WIPF1: variants seen among roughly 807,000 people sequenced by gnomAD.
The protein encoded by WIPF1 is WAS/WASL-interacting protein family member 1.
WIPF1 carries 13 observed loss-of-function variants against 35.4 expected under a neutral mutation model. That is an observed-to-expected ratio of 0.37 (90% CI 0.24 to 0.58). The LOEUF (loss-of-function observed/expected upper bound fraction) is 0.58, where lower values mean the gene tolerates loss of function less well. WIPF1 is among the 20% of genes least tolerant of loss of function. The pLI is 0.74. For synonymous variants in WIPF1, 267 were observed against 266.3 expected, an observed-to-expected ratio of 1.00 and a Z score of -0.02; for missense variants, 591 against 667.0, an observed-to-expected ratio of 0.89 and a Z score of 1.25.
chr2:174,648,773 G>A (rs1687472115), intron 1 of WIPF1, among the ~76,000 whole-genome samples: 1 of 152,030 alleles, frequency 6.6e-6, no homozygotes, highest in Non-Finnish European at 1.5e-5. Flanking sequence ...GCAAGAATTC[G>A]GCTTTTAAAA....
chr2:174,649,783 C>T (rs778531346), intron 1 of WIPF1, among the ~76,000 whole-genome samples: 13 of 152,152 alleles, frequency 8.5e-5, no homozygotes, highest in Non-Finnish European at 1.8e-4. Flanking sequence ...TAAAAGAATA[C>T]AAAACAATCT....
At chr2:174,604,033 T>C (rs1686083467) in intron 1 of WIPF1, among the ~76,000 whole-genome samples, 1 of 152,126 alleles carries the variant, frequency 6.6e-6, no homozygotes, top group African/African-American at 2.4e-5. Context: ...TAGACAATAA[T>C]AACACAAATA....
intron 1 of WIPF1, among the ~76,000 whole-genome samples, chr2:174,605,334 A>G (rs915542526): frequency 1.3e-5 from 2 of 152,094 alleles, no homozygotes; most frequent in Admixed American, 6.6e-5. Flanking sequence ...GCTACTCAGG[A>G]GGCTAAGGCA....
At position 174,587,167 on chromosome 2, in the gene WIPF1, G is replaced by A. The variant is rs144153447; in HGVS notation, c.-38-1556C>T. Among the ~76,000 whole-genome samples, 138 of 151,854 alleles carry A rather than the reference G, an allele frequency of 9.1e-4. 4 individuals are homozygous for A. The highest frequency in any genetic ancestry group is 2.9e-3 in the African/African-American group (122 of 41,374). On this transcript the variant is annotated intron_variant, in intron 1 of 7. Coordinates refer to ENST00000679041, the MANE Select transcript of WIPF1 (RefSeq NM_001375834.1). ...TAGGACTGCAGGCATATGCCACCAC[G>A]CCTGGCTAATTTATTTTTATCTTTT...
chr2:174,577,815 A>G, intron 3 of WIPF1, among the ~76,000 whole-genome samples: 1 of 151,648 alleles, frequency 6.6e-6, no homozygotes, highest in East Asian at 1.9e-4. Flanking sequence ...GCTAGTTGGG[A>G]GGCTGAGGTG....
chr2:174,582,715 T>C (rs1685281518), intron 2 of WIPF1, among the ~76,000 whole-genome samples: 1 of 152,142 alleles, frequency 6.6e-6, no homozygotes, highest in African/African-American at 2.4e-5. Flanking sequence ...GAGCTACTGC[T>C]CCTGGCCTAA....
At chr2:174,584,590 C>A (rs1400095050) in intron 2 of WIPF1, among the ~76,000 whole-genome samples, 1 of 152,120 alleles carries the variant, frequency 6.6e-6, no homozygotes, top group Non-Finnish European at 1.5e-5. Flanking sequence ...GAAGAGGGCA[C>A]ACTAACTTCC....
chr2:174,606,788 A>G (rs1686176982), intron 1 of WIPF1, among the ~76,000 whole-genome samples: 1 of 152,238 alleles, frequency 6.6e-6, no homozygotes, highest in African/African-American at 2.4e-5. Context: ...CCACATGTGA[A>G]GAGATACTGC....
rs1444916120 is a variant in WIPF1 at position 174,643,418 on chromosome 2, T to C, written c.-39+39356A>G. 1.3e-5 allele frequency among the ~76,000 whole-genome samples: 2 copies of C among 149,148 alleles called. 1 individual carries two copies. Among genetic ancestry groups the C allele is most frequent in the African/African-American group, 5.2e-5 (2 of 38,570 alleles). ...AAATTTTATTTATATGTATTTTGTG[T>C]GTGTGTGTGTGTGAGACAGAGTCTC... On this transcript the variant is annotated intron_variant, in intron 1 of 8. Coordinates refer to the WIPF1 transcript ENST00000272746.
At chr2:174,668,087 G>A (rs1376044096) in intron 1 of WIPF1, among the ~76,000 whole-genome samples, 4 of 152,128 alleles carry the variant, frequency 2.6e-5, no homozygotes, top group East Asian at 3.8e-4. Context: ...TTCCAGCTGC[G>A]TCTCTCACCT....
intron 1 of WIPF1, among the ~76,000 whole-genome samples, chr2:174,668,976 C>T (rs1687950834): frequency 6.6e-6 from 1 of 152,230 alleles, no homozygotes; most frequent in African/African-American, 2.4e-5. Flanking sequence ...CCCTCAAATT[C>T]CTCACCTGTA....
intron 1 of WIPF1, among the ~76,000 whole-genome samples, chr2:174,639,246 C>T (rs1687248735): frequency 6.6e-6 from 1 of 152,098 alleles, no homozygotes; most frequent in South Asian, 2.1e-4. Flanking sequence ...GAAATGTCTA[C>T]TAAGGTCTTT....
At chr2:174,610,784 C>G (rs1686318921) in intron 1 of WIPF1, among the ~76,000 whole-genome samples, 1 of 152,110 alleles carries the variant, frequency 6.6e-6, no homozygotes, top group African/African-American at 2.4e-5. Context: ...GTCAACAGCT[C>G]ACCCAGCTCC....
At chr2:174,591,874 A>G (rs2105858046) in intron 1 of WIPF1, among the ~76,000 whole-genome samples, 1 of 152,278 alleles carries the variant, frequency 6.6e-6, no homozygotes. Flanking sequence ...GCCTCGACTC[A>G]CTTGTTAAAC....
At chr2:174,618,767 C>T (rs1686589617) in intron 1 of WIPF1, among the ~76,000 whole-genome samples, 1 of 152,156 alleles carries the variant, frequency 6.6e-6, no homozygotes, top group Non-Finnish European at 1.5e-5. Context: ...GGCTTCATGC[C>T]TCTGCTCAGT....
At chr2:174,625,304 G>C (rs1302443845) in intron 1 of WIPF1, among the ~76,000 whole-genome samples, 1 of 152,190 alleles carries the variant, frequency 6.6e-6, no homozygotes, top group African/African-American at 2.4e-5. Context: ...TTCGAGGATT[G>C]GTTTAGCAAC....
chr2:174,594,433 C>T (rs1685730263), intron 1 of WIPF1, among the ~76,000 whole-genome samples: 1 of 152,160 alleles, frequency 6.6e-6, no homozygotes, highest in Non-Finnish European at 1.5e-5. Flanking sequence ...TACAAATTCA[C>T]AGACATCGAA....
intron 1 of WIPF1, among the ~76,000 whole-genome samples, chr2:174,628,261 T>C (rs147481313): frequency 1.3e-5 from 2 of 152,266 alleles, no homozygotes; most frequent in African/African-American, 4.8e-5. Context: ...TTCAGGGGTG[T>C]TGGAATCAGT....
At chr2:174,624,315 C>T (rs1435485563) in intron 1 of WIPF1, among the ~76,000 whole-genome samples, 2 of 152,174 alleles carry the variant, frequency 1.3e-5, no homozygotes, top group Non-Finnish European at 2.9e-5. Context: ...TCTTCTTAAA[C>T]TTGGGGCCCT....
Sources: allele counts gnomAD v4.1 joint callset (sites outside exome capture counted in the v4.1 genomes callset), GRCh38; gene constraint gnomAD v4.1.1; transcripts MANE v1.5; gene names NCBI Gene and HGNC (gene_info 2026-07-23, HGNC 2026-07-21).